The following CDHR1 variants were observed in gnomAD, a reference collection of about 807,000 sequenced individuals.
CDHR1 encodes the protein cadherin related family member 1.
A neutral mutation model predicts 72.1 loss-of-function variants in CDHR1; 61 were observed. The observed-to-expected ratio is 0.85, with a 90% CI of 0.69 to 1.05. CDHR1 has a LOEUF of 1.05. CDHR1 is among the 50% of genes least tolerant of loss of function. The pLI is 0.00. For synonymous variants in CDHR1, 470 were observed against 448.1 expected (o/e 1.05, Z -0.62); for missense variants, 1,186 against 1,115.7 (o/e 1.06, Z -0.90).
chr10:84,217,863 C>G lies in CDHR1; in HGVS notation c.*3242C>G. On this transcript the variant is annotated 3_prime_UTR_variant, in exon 17 of 17. Transcript: ENST00000623527. ...CAGCCTGCATTTGGGCGTTGACATT[C>G]CAGGGGAGTTAGGAACAATGAGAGG... 1.0e-6 allele frequency: 1 copy of G among 985,430 alleles called. No individual in the cohort carries two copies. Among genetic ancestry groups the G allele is most frequent in the Non-Finnish European group, 1.2e-6 (1 of 829,952 alleles). The allele number at this position is 985,430 out of a possible 1,614,324, so 61.0% of individuals were successfully genotyped here. A position where few individuals can be genotyped will look rare whatever the true frequency, so the allele number is the denominator to read the frequency against.
chr10:84,196,857 A>G (rs1469387267), intron 3 of CDHR1, among the ~76,000 whole-genome samples: 1 of 152,172 alleles, frequency 6.6e-6, no homozygotes, highest in African/African-American at 2.4e-5. Context: ...CTTCACACAG[A>G]GCGAAGAGTG....
rs41291358 is a variant in CDHR1 at position 84,214,794 on chromosome 10, C to A, written c.*173C>A. 402,479 of 1,541,456 alleles carry A rather than the reference C, an allele frequency of 0.26. 54,897 individuals carry two copies. Among genetic ancestry groups the A allele is most frequent in the Middle Eastern group, 0.28 (1,306 of 4,596 alleles). ...CACCTTCTGGCGCAACAAGAAGTTG[C>A]GCTCTGACAGGGCTCTAGTCAGGGC... On this transcript the variant is annotated 3_prime_UTR_variant, in exon 17 of 17. Coordinates refer to ENST00000623527, the MANE Select transcript of CDHR1 (RefSeq NM_033100.4).
Position 84,216,935 on chromosome 10 carries a change from A to G in CDHR1, c.*2314A>G. On this transcript the variant is annotated 3_prime_UTR_variant, in exon 17 of 17. Coordinates refer to ENST00000623527, the MANE Select transcript of CDHR1 (RefSeq NM_033100.4). The stretch of plus-strand genomic sequence containing the variant: ...TCAGACAGGCGTCCTAAAGACCTCT[A>G]GGCTGGAAGCTTGGGCTTGCAAGTG... 1.0e-6 allele frequency: 1 copy of G among 985,482 alleles called. No individual in the cohort carries two copies. Among genetic ancestry groups the G allele is most frequent in the Non-Finnish European group, 1.2e-6 (1 of 829,948 alleles). 61.0% of individuals were successfully genotyped at this position (985,482 alleles called of 1,614,324 possible).
chr10:84,210,090 C>CA (rs1842301135), intron 12 of CDHR1, among the ~76,000 whole-genome samples: 1 of 152,166 alleles, frequency 6.6e-6, no homozygotes, highest in African/African-American at 2.4e-5. Context: ...CATTGTGGTG[C>CA]ACGCCTGTAG....
chr10:84,205,948 TC>T, intron 10 of CDHR1, 21 bp downstream of exon 10: 2 of 1,578,868 alleles, frequency 1.3e-6, no homozygotes, highest in Non-Finnish European at 1.7e-6. Context: ...TCTAGCTTTG[TC>T]TTCCCTGCCC....
chr10:84,202,855 C>A, intron 7 of CDHR1, 125 bp from the exon 8 acceptor site: 1 of 1,050,738 alleles, frequency 9.5e-7, no homozygotes, highest in Non-Finnish European at 1.5e-6. Context: ...CAGAAGCAAA[C>A]AGAAACTTGG....
In CDHR1 at chr10:84,212,321, C is replaced by A; in HGVS notation, c.1696C>A (p.Leu566Met). 1 of 1,614,214 alleles carries A rather than the reference C, an allele frequency of 6.2e-7. No individual in the cohort carries two copies. Among genetic ancestry groups the A allele is most frequent in the Non-Finnish European group, 8.5e-7 (1 of 1,180,040 alleles). Reference sequence around the variant, plus strand: ...CAGCGTAGCTGAGGTGTTTATCACACTGCTGGATGTCAATGACCACCCCCC... The same window carrying A: ...CAGCGTAGCTGAGGTGTTTATCACAATGCTGGATGTCAATGACCACCCCCC... ...KYSVAEVFIT[L>M]LDVNDHPPQF... Residue 566 changes from leucine (L) to methionine (M), a missense_variant, in exon 15 of 17, where the codon CTG becomes ATG. Leu to Met is a conservative substitution (Grantham distance 15). Coordinates refer to ENST00000623527, the MANE Select transcript of CDHR1 (RefSeq NM_033100.4).
At position 84,213,215 on chromosome 10, in the gene CDHR1, G is replaced by T. The variant is rs141835573; in HGVS notation, c.1907G>T (p.Arg636Leu). 12 of 1,614,172 alleles carry T rather than the reference G, an allele frequency of 7.4e-6. No individual in the cohort carries two copies. In the African/African-American group the frequency reaches 1.6e-4, roughly 22 times the overall value. ...GAGATCTGGCTCAAGAATTCCATCC[G>T]CTCCCTGGATGCCCTGCACAACATC... ...TGEIWLKNSI[R>L]SLDALHNITP... The change falls in exon 16 of 17, where the codon CGC (arginine) becomes CTC (leucine). Residue 636 changes from arginine (R) to leucine (L), a missense_variant. By Grantham distance (102) the Arg-to-Leu change is moderately radical. Coordinates refer to ENST00000623527, the MANE Select transcript of CDHR1 (RefSeq NM_033100.4).
chr10:84,201,998 T>TG, intron 7 of CDHR1, 78 bp downstream of exon 7: 1 of 1,068,214 alleles, frequency 9.4e-7, no homozygotes, highest in Non-Finnish European at 1.4e-6. Context: ...TACAGGGGAG[T>TG]GGGAGCAGTT....
Position 84,197,842 on chromosome 10 carries a change from T to G in CDHR1, c.348+6T>G. The G allele has an allele frequency of 6.2e-7, 1 of 1,613,446 alleles. No homozygotes were observed. Among genetic ancestry groups the G allele is most frequent in the East Asian group, 2.2e-5 (1 of 44,866 alleles). On this transcript the variant is annotated splice_donor_region_variant and intron_variant, in intron 4 of 16. Transcript: ENST00000623527. ...TTTCTGATGGCCTGAATCTGGTGAGTGCACGTCCAAGGCAGTCCCTGGCAG... is the reference window on the plus strand; with the variant it reads ...TTTCTGATGGCCTGAATCTGGTGAGGGCACGTCCAAGGCAGTCCCTGGCAG...
chr10:84,212,566 A>G (rs1359448165), intron 15 of CDHR1, among the ~76,000 whole-genome samples, 159 bp downstream of exon 15: 1 of 152,240 alleles, frequency 6.6e-6, no homozygotes, highest in African/African-American at 2.4e-5. Context: ...CCACCTCAAC[A>G]GAGAATTAAA....
rs2132838928 is a variant in CDHR1, at chr10:84,214,840, C to A, written c.*219C>A. The A allele has an allele frequency of 6.8e-7, 1 of 1,468,030 alleles. No individual in the cohort carries two copies. The highest frequency in any genetic ancestry group is 8.9e-7 in the Non-Finnish European group (1 of 1,120,634). The allele number at this position is 1,468,030 out of a possible 1,614,324, so 90.9% of individuals were successfully genotyped here. A position where few individuals can be genotyped will look rare whatever the true frequency, so the allele number is the denominator to read the frequency against. On this transcript the variant is annotated 3_prime_UTR_variant, in exon 17 of 17. Transcript: ENST00000623527. ...AGGGCCTTGGGCAAGACATTGGGCT[C>A]TAGGATGCAATTGGCAAATACGTCC...
rs1408257518 is a variant in CDHR1, at chr10:84,201,867, G to A, written c.586G>A (p.Ala196Thr). ...CGGTGTGCTGCGCCTCCAGGCTGGG[G>A]CCACTCTGGACTACGAGAGGTCCCG... is the stretch of plus-strand genomic sequence containing the variant. ...HSGVLRLQAGATLDYERSRTH... is the reference protein window; with the variant it reads ...HSGVLRLQAGTTLDYERSRTH... The change falls in exon 7 of 17, where the codon GCC becomes ACC. Residue 196 changes from alanine to threonine, a missense_variant. Transcript: ENST00000623527. 1 of 1,609,386 alleles carries A rather than the reference G, an allele frequency of 6.2e-7. No homozygotes were observed. Among genetic ancestry groups the A allele is most frequent in the Non-Finnish European group, 8.5e-7 (1 of 1,180,008 alleles).
chr10:84,196,461 G>T (rs750417723), intron 2 of CDHR1, 44 bp from the exon 3 acceptor site: 2 of 1,612,580 alleles, frequency 1.2e-6, no homozygotes, highest in Non-Finnish European at 8.5e-7. Flanking sequence ...TTTAGGAAAA[G>T]TTGGGTCTCA....
intron 1 of CDHR1, 132 bp from the exon 2 acceptor site, chr10:84,195,362 T>G: frequency 1.2e-6 from 1 of 826,210 alleles, no homozygotes; most frequent in Non-Finnish European, 2.0e-6. Flanking sequence ...TCGGTGCACT[T>G]GGGTTGGGGA....
At position 84,195,540 on chromosome 10, in the gene CDHR1, C is replaced by A; in HGVS notation, c.102C>A (p.Ser34Arg). ...ACTTCTTCGACAACGGGGTCGGCAG[C>A]ACCAACGGAAACATGGCTCTGTTCA... Reference protein sequence around the residue: ...APHFFDNGVGSTNGNMALFSL... With the variant: ...APHFFDNGVGRTNGNMALFSL... The change falls in exon 2 of 17, where the codon AGC becomes AGA. Residue 34 changes from serine to arginine, a missense_variant. Ser to Arg is a moderately radical substitution (Grantham distance 110). Coordinates refer to ENST00000623527, the MANE Select transcript of CDHR1 (RefSeq NM_033100.4). The A allele has an allele frequency of 6.2e-7, 1 of 1,614,174 alleles. No individual in the cohort carries two copies. Among genetic ancestry groups the A allele is most frequent in the Non-Finnish European group, 8.5e-7 (1 of 1,179,996 alleles).
In CDHR1 at chr10:84,214,281, C is replaced by A; in HGVS notation, c.2240C>A (p.Ala747Glu). 1.2e-6 allele frequency: 2 copies of A among 1,613,808 alleles called. No homozygotes were observed. The highest frequency in any genetic ancestry group is 1.7e-6 in the Non-Finnish European group (2 of 1,180,038). Residue 747 changes from alanine (A) to glutamate (E), a missense_variant, in exon 17 of 17, where the codon GCG becomes GAG. Transcript: ENST00000623527. Reference sequence around the variant, plus strand: ...GTGCTCCGCAAGCGGCCCAGCCCTGCGCCCCGCACCATCCGCATTGAGTGG... The same window carrying A: ...GTGCTCCGCAAGCGGCCCAGCCCTGAGCCCCGCACCATCCGCATTGAGTGG... Reference protein sequence around the residue: ...RRVLRKRPSPAPRTIRIEWLK... With the variant: ...RRVLRKRPSPEPRTIRIEWLK...
intron 9 of CDHR1, among the ~76,000 whole-genome samples, chr10:84,205,454 C>T (rs1449440814): frequency 1.3e-5 from 2 of 151,828 alleles, no homozygotes; most frequent in Non-Finnish European, 2.9e-5. Context: ...CCCTTCTTTC[C>T]CCCCTCCCCT....
intron 8 of CDHR1, among the ~76,000 whole-genome samples, chr10:84,203,651 G>A (rs944357591): frequency 8.5e-5 from 13 of 152,170 alleles, no homozygotes; most frequent in Non-Finnish European, 2.9e-5. Context: ...CCTGACCTCA[G>A]GTGATCCACC....
Sources: gnomAD v4.1 joint callset for allele counts (sites outside exome capture counted in the v4.1 genomes callset) on GRCh38, gnomAD v4.1.1 for gene constraint, MANE v1.5 for transcripts, NCBI Gene and HGNC (gene_info 2026-07-23, HGNC 2026-07-21) for gene names.